The following SOX5 variants were observed in gnomAD, a reference collection of about 807,000 sequenced individuals.
The protein encoded by SOX5 is SRY-box transcription factor 5.
SOX5 carries 9 observed loss-of-function variants against 92.0 expected under a neutral mutation model. The observed-to-expected ratio is 0.10, with a 90% CI of 0.06 to 0.17. The LOEUF (loss-of-function observed/expected upper bound fraction) is 0.17. SOX5 is among the 10% of genes least tolerant of loss of function. The pLI, the probability that SOX5 is intolerant of heterozygous loss-of-function variation, is 1.00. For synonymous variants in SOX5, 344 were observed against 336.3 expected, an observed-to-expected ratio of 1.02 and a Z score of -0.25; for missense variants, 642 against 944.5, an observed-to-expected ratio of 0.68 and a Z score of 4.20.
intron 6 of SOX5, among the ~76,000 whole-genome samples, chr12:23,715,292 C>CAAAAAAAATAAAATAAAATAAAATAAAAT (rs2092407328): frequency 2.7e-5 from 4 of 147,838 alleles, no homozygotes; most frequent in African/African-American, 1.0e-4. Context: ...GACTCCATCT[C>CAAAAAAAATAAAATAAAATAAAATAAAAT]AAAATAAAAT....
At chr12:24,231,134 C>T (rs981219647) in intron 3 of SOX5, among the ~76,000 whole-genome samples, 2 of 152,216 alleles carry the variant, frequency 1.3e-5, no homozygotes, top group East Asian at 3.8e-4. Context: ...TATTGAAGCT[C>T]TTACTTTGAG....
intron 1 of SOX5, among the ~76,000 whole-genome samples, chr12:24,391,562 C>T (rs781014792): frequency 3.9e-5 from 6 of 152,138 alleles, no homozygotes; most frequent in African/African-American, 9.7e-5. Flanking sequence ...AGTTCCCTTA[C>T]GTACAGTTCT....
intron 4 of SOX5, among the ~76,000 whole-genome samples, chr12:24,111,065 G>T (rs78264947): frequency 6.6e-6 from 1 of 151,978 alleles, no homozygotes; most frequent in Non-Finnish European, 1.5e-5. Context: ...ATTGTAGGGG[G>T]TATAGCAGCA....
chr12:23,693,734 A>G (rs1244725480), intron 6 of SOX5, among the ~76,000 whole-genome samples: 3 of 152,200 alleles, frequency 2.0e-5, no homozygotes, highest in Admixed American at 6.5e-5. Flanking sequence ...ACCAAATACA[A>G]GGACATGTTA....
intron 2 of SOX5, among the ~76,000 whole-genome samples, chr12:24,350,107 T>C (rs1223493158): frequency 4.6e-5 from 7 of 152,250 alleles, no homozygotes; most frequent in African/African-American, 1.7e-4. Flanking sequence ...TGATGTAGTC[T>C]GTAATTAAAA....
intron 3 of SOX5, among the ~76,000 whole-genome samples, chr12:23,778,448 C>A (rs548505462): frequency 6.6e-6 from 1 of 152,124 alleles, no homozygotes; most frequent in East Asian, 1.9e-4. Flanking sequence ...AGGAAAAAGG[C>A]ATGAGAGAGA....
intron 3 of SOX5, among the ~76,000 whole-genome samples, chr12:23,834,509 GC>G (rs911460905): frequency 1.3e-5 from 2 of 151,834 alleles, no homozygotes; most frequent in Non-Finnish European, 1.5e-5. Flanking sequence ...ACATGAAACA[GC>G]CCACATTAAC....
At chr12:24,010,689 C>A (rs897482897) in intron 4 of SOX5, among the ~76,000 whole-genome samples, 1 of 152,164 alleles carries the variant, frequency 6.6e-6, no homozygotes, top group African/African-American at 2.4e-5. Flanking sequence ...AATCCCAGCA[C>A]TTTGGAAGGC....
At chr12:24,155,702 T>C (rs143327905) in intron 4 of SOX5, among the ~76,000 whole-genome samples, 2 of 152,288 alleles carry the variant, frequency 1.3e-5, no homozygotes, top group East Asian at 3.9e-4. Flanking sequence ...GTAAGGTGAA[T>C]GAGTTCAAAC....
At chr12:23,934,007 G>C (rs552117112) in intron 1 of SOX5, among the ~76,000 whole-genome samples, 3 of 151,564 alleles carry the variant, frequency 2.0e-5, no homozygotes, top group African/African-American at 7.2e-5. Context: ...GCAAACATTA[G>C]TTTAGCTACT....
intron 4 of SOX5, among the ~76,000 whole-genome samples, chr12:24,163,828 C>T (rs898888024): frequency 6.6e-6 from 1 of 151,906 alleles, no homozygotes; most frequent in African/African-American, 2.4e-5. Context: ...TCTGTCTTTG[C>T]CCATTTCTTT....
At chr12:23,848,099 T>C (rs1440415024) in intron 2 of SOX5, among the ~76,000 whole-genome samples, 1 of 152,146 alleles carries the variant, frequency 6.6e-6, no homozygotes, top group Non-Finnish European at 1.5e-5. Flanking sequence ...TTCTTATTTC[T>C]TTCCAGGACC....
chr12:24,297,120 T>C (rs1947356673), intron 2 of SOX5, among the ~76,000 whole-genome samples: 1 of 152,194 alleles, frequency 6.6e-6, no homozygotes, highest in Admixed American at 6.5e-5. Flanking sequence ...TAAAATAGAG[T>C]TTAGGTTCTT....
At chr12:24,506,463 G>A (rs1948756722) in intron 1 of SOX5, among the ~76,000 whole-genome samples, 1 of 151,470 alleles carries the variant, frequency 6.6e-6, no homozygotes, top group Non-Finnish European at 1.5e-5. Flanking sequence ...AGTCTTGTTT[G>A]GGGTAGTTTG....
At chr12:23,820,210 G>A (rs1352931699) in intron 3 of SOX5, among the ~76,000 whole-genome samples, 2 of 152,006 alleles carry the variant, frequency 1.3e-5, no homozygotes, top group African/African-American at 4.8e-5. Flanking sequence ...ATGTTTTTTG[G>A]CCGCATAAAT....
intron 9 of SOX5, among the ~76,000 whole-genome samples, chr12:23,585,033 T>C (rs1950531488): frequency 6.6e-6 from 1 of 152,118 alleles, no homozygotes. Context: ...TGTTAATGGA[T>C]AGTGGAGATT....
intron 4 of SOX5, among the ~76,000 whole-genome samples, chr12:23,966,231 A>AAAAAAAAAAAC: frequency 1.1e-5 from 1 of 92,198 alleles, no homozygotes; most frequent in Non-Finnish European, 2.1e-5. Flanking sequence ...AAAAAAAAAA[A>AAAAAAAAAAAC]AAAAAAAAAA....
intron 4 of SOX5, among the ~76,000 whole-genome samples, chr12:24,177,743 ACACT>A (rs1954983285): frequency 1.3e-5 from 2 of 151,092 alleles, no homozygotes; most frequent in Admixed American, 6.6e-5. Context: ...AAAATTAATA[ACACT>A]CACAGGGTCA....
chr12:23,623,870 G>T lies in SOX5; in HGVS notation c.1017+16942C>A, dbSNP rs527706534. On this transcript the variant is annotated intron_variant, in intron 8 of 14. Coordinates refer to ENST00000451604, the MANE Select transcript of SOX5 (RefSeq NM_006940.6). ...AATGGACTGAAAGCAGGATCTAGAA[G>T]AGATATGTGTATATCCAATATTCAT... 2.0e-5 allele frequency among the ~76,000 whole-genome samples: 3 copies of T among 152,132 alleles called. No individual in the cohort carries two copies. In the South Asian group the frequency reaches 6.2e-4, roughly 32 times the overall value.
Sources: allele counts gnomAD v4.1 joint callset (sites outside exome capture counted in the v4.1 genomes callset), GRCh38; gene constraint gnomAD v4.1.1; transcripts MANE v1.5; gene names NCBI Gene and HGNC (gene_info 2026-07-23, HGNC 2026-07-21).